UNC13C: variants seen among roughly 807,000 people sequenced by gnomAD.
The protein encoded by UNC13C is unc-13 homolog C.
A neutral mutation model predicts 245.4 loss-of-function variants in UNC13C; 174 were observed. That is an observed-to-expected ratio of 0.71 (90% CI 0.63 to 0.80). The LOEUF (loss-of-function observed/expected upper bound fraction) is 0.80. UNC13C is among the 30% of genes least tolerant of loss of function. The pLI is 0.00. For missense variants in UNC13C, 2,829 were observed against 2,602.9 expected (o/e 1.09, Z -1.89); for synonymous variants, 992 against 895.1 (o/e 1.11, Z -1.93).
chr15:54,302,304 A>G (rs757195894), intron 13 of UNC13C, among the ~76,000 whole-genome samples: 2 of 152,014 alleles, frequency 1.3e-5, no homozygotes, highest in African/African-American at 2.4e-5. Flanking sequence ...ATTAGATCCC[A>G]TTTGTCAATT....
chr15:54,564,383 A>C (rs531975120), intron 29 of UNC13C, among the ~76,000 whole-genome samples: 2 of 151,996 alleles, frequency 1.3e-5, no homozygotes, highest in Non-Finnish European at 2.9e-5. Flanking sequence ...GGTTTTCCTC[A>C]TGTACAAGCA....
At chr15:54,375,815 A>G (rs950385057) in intron 17 of UNC13C, among the ~76,000 whole-genome samples, 3 of 152,212 alleles carry the variant, frequency 2.0e-5, no homozygotes, top group Non-Finnish European at 4.4e-5. Flanking sequence ...AGCCCCCTGA[A>G]ACATAGAGCA....
chr15:54,432,549 A>G (rs2040892910), intron 19 of UNC13C, among the ~76,000 whole-genome samples: 1 of 152,018 alleles, frequency 6.6e-6, no homozygotes, highest in African/African-American at 2.4e-5. Flanking sequence ...CTTTGAAACC[A>G]ATGAGAACAA....
At chr15:54,132,641 T>C (rs963057560) in intron 2 of UNC13C, among the ~76,000 whole-genome samples, 1 of 152,236 alleles carries the variant, frequency 6.6e-6, no homozygotes, top group Non-Finnish European at 1.5e-5. Flanking sequence ...TAAAGGCTAA[T>C]GACAGCTCAG....
intron 19 of UNC13C, among the ~76,000 whole-genome samples, chr15:54,453,249 C>G (rs1003570584): frequency 1.3e-5 from 2 of 152,196 alleles, no homozygotes; most frequent in Admixed American, 6.5e-5. Context: ...CTCACTTACC[C>G]TTTTCCTGCA....
At chr15:54,584,163 C>T (rs899052439) in intron 30 of UNC13C, among the ~76,000 whole-genome samples, 23 of 152,174 alleles carry the variant, frequency 1.5e-4, no homozygotes, top group African/African-American at 5.3e-4. Flanking sequence ...GTTTCTGGCC[C>T]CCTCCAAAGA....
At chr15:54,310,782 A>ATATC (rs1567177964) in intron 13 of UNC13C, among the ~76,000 whole-genome samples, 1 of 138,118 alleles carries the variant, frequency 7.2e-6, no homozygotes, top group African/African-American at 3.0e-5. Flanking sequence ...ATATCTATAT[A>ATATC]TATGTACATA....
At chr15:54,595,795 T>C (rs1171492391) in intron 30 of UNC13C, among the ~76,000 whole-genome samples, 2 of 152,248 alleles carry the variant, frequency 1.3e-5, no homozygotes, top group African/African-American at 2.4e-5. Context: ...TCTATTTGTT[T>C]AATTCTTTGG....
chr15:53,838,196 C>T, the UNC13C span, among the ~76,000 whole-genome samples: 1 of 151,960 alleles, frequency 6.6e-6, no homozygotes, highest in Non-Finnish European at 1.5e-5. Flanking sequence ...TAATGTTTGT[C>T]TATAAATACG....
intron 27 of UNC13C, among the ~76,000 whole-genome samples, chr15:54,548,181 T>TTTG (rs1406811789): frequency 1.3e-5 from 2 of 151,460 alleles, no homozygotes; most frequent in Middle Eastern, 3.4e-3. Flanking sequence ...GAACTCTTGT[T>TTTG]TTGTTGTTGT....
chr15:53,847,744 G>A, the UNC13C span, among the ~76,000 whole-genome samples: 42,085 of 151,760 alleles, frequency 0.28, 7,122 homozygotes, highest in Non-Finnish European at 0.37. Flanking sequence ...TTCAATACAG[G>A]GATGACCCAG....
At chr15:54,393,908 A>G (rs1254975266) in intron 18 of UNC13C, among the ~76,000 whole-genome samples, 1 of 151,954 alleles carries the variant, frequency 6.6e-6, no homozygotes, top group Admixed American at 6.6e-5. Context: ...CACATATTAA[A>G]GACCATAAAA....
intron 26 of UNC13C, among the ~76,000 whole-genome samples, chr15:54,539,561 G>T (rs1596536802): frequency 6.6e-6 from 1 of 152,054 alleles, no homozygotes; most frequent in East Asian, 1.9e-4. Flanking sequence ...CCCCAACATT[G>T]GTTGTGAATG....
chr15:54,287,429 A>C (rs1271611199), intron 10 of UNC13C, among the ~76,000 whole-genome samples: 1 of 152,196 alleles, frequency 6.6e-6, no homozygotes, highest in East Asian at 1.9e-4. Flanking sequence ...TATGTTTTTT[A>C]TTCTTTTCCT....
At chr15:54,150,430 T>C (rs564141452) in intron 4 of UNC13C, among the ~76,000 whole-genome samples, 2 of 152,194 alleles carry the variant, frequency 1.3e-5, no homozygotes, top group Non-Finnish European at 2.9e-5. Flanking sequence ...CAGCACACTG[T>C]CTGCAGTCCT....
intron 28 of UNC13C, among the ~76,000 whole-genome samples, chr15:54,553,380 T>A (rs1296756828): frequency 7.9e-6 from 1 of 127,158 alleles, no homozygotes; most frequent in African/African-American, 2.9e-5. Flanking sequence ...TTATATTATA[T>A]TATGTATTAG....
chr15:54,283,160 A>G (rs569891991), intron 10 of UNC13C, among the ~76,000 whole-genome samples: 1 of 152,130 alleles, frequency 6.6e-6, no homozygotes, highest in African/African-American at 2.4e-5. Context: ...CAGGCTTTAA[A>G]CTGTATTCAG....
chr15:53,929,015 C>T, the UNC13C span, among the ~76,000 whole-genome samples: 6 of 152,104 alleles, frequency 3.9e-5, 1 homozygote, highest in African/African-American at 1.4e-4. Context: ...TTAGTCTGTT[C>T]TCATGCTGGT....
chr15:54,511,789 G>T lies in UNC13C; in HGVS notation c.5416G>T (p.Val1806Phe). 1 of 1,609,966 alleles carries T rather than the reference G, an allele frequency of 6.2e-7. No homozygotes were observed. Among genetic ancestry groups the T allele is most frequent in the Non-Finnish European group, 8.5e-7 (1 of 1,178,152 alleles). Residue 1806 changes from valine to phenylalanine, a missense_variant, in exon 24 of 33, where the codon GTC (valine) becomes TTC (phenylalanine). Coordinates refer to ENST00000260323, the MANE Select transcript of UNC13C (RefSeq NM_001080534.3). ...GATGAACAATATTCAACAATTGCGG[G>T]TCCAGCTGGAAAAAATGTTTGAATC... Reference protein sequence around the residue: ...ILMNNIQQLRVQLEKMFESMG... With the variant: ...ILMNNIQQLRFQLEKMFESMG...
Sources: allele counts gnomAD v4.1 joint callset (sites outside exome capture counted in the v4.1 genomes callset), GRCh38; gene constraint gnomAD v4.1.1; transcripts MANE v1.5; gene names NCBI Gene and HGNC (gene_info 2026-07-23, HGNC 2026-07-21).